DSE: variants seen among roughly 807,000 people sequenced by gnomAD.
DSE encodes the protein dermatan sulfate epimerase, also known as dermatan-sulfate epimerase.
DSE carries 36 observed loss-of-function variants against 84.4 expected under a neutral mutation model. The ratio of observed to expected loss-of-function variants is 0.43; its 90% confidence interval spans 0.33 to 0.56. The LOEUF (loss-of-function observed/expected upper bound fraction) is 0.56. Ranked by LOEUF, DSE falls within the 20% of genes least tolerant of loss-of-function variation. The pLI is 0.06. For synonymous variants in DSE, 410 were observed against 430.1 expected, an observed-to-expected ratio of 0.95 and a Z score of 0.58; for missense variants, 862 against 1,169.6, an observed-to-expected ratio of 0.74 and a Z score of 3.84.
chr6:116,441,050 ATTT>A lies in DSE; in HGVS notation c.*3712_*3714del, dbSNP rs200857040. On this transcript the variant is annotated 3_prime_UTR_variant, in exon 6 of 6. Coordinates refer to ENST00000644252, the MANE Select transcript of DSE (RefSeq NM_013352.4). ...ATTTAATTTACTGGCAAAATGACGTATTTTTTTTTCAGCAATGTTTCAGCTAGA... is the reference window on the plus strand; with the variant it reads ...ATTTAATTTACTGGCAAAATGACGTATTTTTTCAGCAATGTTTCAGCTAGA... 6.6e-6 allele frequency: 1 copy of A among 150,850 alleles called. No individual in the cohort carries two copies. Among genetic ancestry groups the A allele is most frequent in the Non-Finnish European group, 1.5e-5 (1 of 67,682 alleles). 9.3% of individuals were successfully genotyped at this position (150,850 alleles called of 1,614,324 possible).
At chr6:116,269,874 A>C (rs1177333142) in intron 2 of DSE, among the ~76,000 whole-genome samples, 2 of 152,148 alleles carry the variant, frequency 1.3e-5, no homozygotes, top group South Asian at 2.1e-4. Flanking sequence ...CTTTGCTTAT[A>C]ATAGACTAAC....
intron 2 of DSE, among the ~76,000 whole-genome samples, chr6:116,359,021 A>G (rs968004154): frequency 1.3e-5 from 2 of 152,232 alleles, no homozygotes; most frequent in East Asian, 1.9e-4. Context: ...GTTGCAATCT[A>G]TTAGTGGGTC....
chr6:116,433,952 C>T (rs77401271), intron 5 of DSE, among the ~76,000 whole-genome samples: 2,290 of 151,960 alleles, frequency 0.015, 47 homozygotes, highest in African/African-American at 0.051. Flanking sequence ...TTTTTGAAAG[C>T]ATATAAAACA....
At chr6:116,338,171 CTTTCTCTTTCTTTCTT>C (rs930001665) in intron 2 of DSE, among the ~76,000 whole-genome samples, 2 of 44,472 alleles carry the variant, frequency 4.5e-5, no homozygotes, top group Non-Finnish European at 5.4e-5. Context: ...CTTTCTGTCT[CTTTCTCTTTCTTTCTT>C]TCTTTCTTTC....
chr6:116,355,379 G>T (rs565359571), intron 2 of DSE, among the ~76,000 whole-genome samples: 50 of 152,244 alleles, frequency 3.3e-4, no homozygotes, highest in African/African-American at 1.2e-3. Context: ...AGAGCCTCAG[G>T]TTACTGCTTA....
chr6:116,431,316 AT>A (rs34007038), intron 4 of DSE, 123 bp downstream of exon 4: 7 of 1,331,878 alleles, frequency 5.3e-6, no homozygotes, highest in South Asian at 3.2e-5. Flanking sequence ...AATTAAATAG[AT>A]TTTTTTAATC....
At chr6:116,311,504 C>A (rs1252067337) in intron 2 of DSE, among the ~76,000 whole-genome samples, 1 of 152,092 alleles carries the variant, frequency 6.6e-6, no homozygotes, top group African/African-American at 2.4e-5. Context: ...CTTGTAACAA[C>A]AAAAAATTGG....
At chr6:116,329,726 G>A (rs1049944992) in intron 2 of DSE, among the ~76,000 whole-genome samples, 1 of 152,178 alleles carries the variant, frequency 6.6e-6, no homozygotes, top group Non-Finnish European at 1.5e-5. Flanking sequence ...AGATTAATTT[G>A]ACAAAGCATT....
rs770953824 is a variant in DSE, at chr6:116,399,451, T to A, written c.201T>A (p.Ile67=). The A allele has an allele frequency of 1.2e-6, 2 of 1,614,248 alleles. No homozygotes were observed. Among genetic ancestry groups the A allele is most frequent in the Non-Finnish European group, 1.7e-6 (2 of 1,180,040 alleles). ...GGGCTGCCAGCTCGCACGAGCACATTGCAGCCCGCCTCACGGAGGCTGTGC... is the reference window on the plus strand; with the variant it reads ...GGGCTGCCAGCTCGCACGAGCACATAGCAGCCCGCCTCACGGAGGCTGTGC... The part of the protein sequence containing the change: ...QLRAASSHEH[I]AARLTEAVHT... The change falls in exon 2 of 6, where the codon ATT becomes ATA. Residue 67 remains isoleucine, a synonymous_variant. Coordinates refer to ENST00000644252, the MANE Select transcript of DSE (RefSeq NM_013352.4).
chr6:116,370,409 C>G (rs769439780), upstream of DSE: 1 of 947,918 alleles, frequency 1.1e-6, no homozygotes, highest in Non-Finnish European at 1.3e-6. Flanking sequence ...CCACTAACTT[C>G]TCTTTGAGAA....
rs1311721400 is a variant in DSE, at chr6:116,304,417, C to T, written c.-54+45450C>T. Among the ~76,000 whole-genome samples, 5 of 152,038 alleles carry T rather than the reference C, an allele frequency of 3.3e-5. 1 individual carries two copies. The South Asian group carries it at 1.0e-3, about 31-fold the overall frequency. On this transcript the variant is annotated intron_variant, in intron 2 of 3. Coordinates refer to the DSE transcript ENST00000430252. The stretch of plus-strand genomic sequence containing the variant: ...GAGTGCCATCCCAGAATGCATTTAC[C>T]GTGAATAAACTACCATCCCCAGTGG...
At chr6:116,267,561 TA>T (rs1422641609) in intron 2 of DSE, among the ~76,000 whole-genome samples, 1 of 152,154 alleles carries the variant, frequency 6.6e-6, no homozygotes, top group East Asian at 1.9e-4. Context: ...CAAAAAGTTT[TA>T]AAAAGTTAAA....
At chr6:116,410,651 G>C (rs1162404969) in intron 2 of DSE, among the ~76,000 whole-genome samples, 1 of 148,000 alleles carries the variant, frequency 6.8e-6, no homozygotes, top group Non-Finnish European at 1.5e-5. Context: ...GGAGAATGGC[G>C]TGAACCCAGG....
At chr6:116,402,595 T>A (rs1781663199) in intron 2 of DSE, among the ~76,000 whole-genome samples, 1 of 152,164 alleles carries the variant, frequency 6.6e-6, no homozygotes, top group South Asian at 2.1e-4. Context: ...TTTACCTACC[T>A]AGTAATTAGA....
intron 2 of DSE, among the ~76,000 whole-genome samples, chr6:116,364,082 A>T (rs1189066698): frequency 6.6e-6 from 1 of 152,242 alleles, no homozygotes; most frequent in South Asian, 2.1e-4. Context: ...GTAAAACAAA[A>T]TGGTTAGAAT....
intron 2 of DSE, 67 bp from the exon 3 acceptor site, chr6:116,426,507 A>G: frequency 6.4e-7 from 1 of 1,558,586 alleles, no homozygotes; most frequent in Non-Finnish European, 8.7e-7. Context: ...AGAAATAGAC[A>G]CTTTAGAAGT....
intron 2 of DSE, among the ~76,000 whole-genome samples, chr6:116,310,844 C>CA (rs759309980): frequency 6.6e-6 from 1 of 152,170 alleles, no homozygotes; most frequent in Non-Finnish European, 1.5e-5. Flanking sequence ...TTTTCTTTTT[C>CA]AAAGGCCCTT....
intron 2 of DSE, among the ~76,000 whole-genome samples, chr6:116,406,111 T>C (rs1450054349): frequency 6.6e-6 from 1 of 152,210 alleles, no homozygotes; most frequent in African/African-American, 2.4e-5. Flanking sequence ...GACTCTAAGA[T>C]TCAGTATTGG....
At chr6:116,299,446 G>A (rs1774857509) in intron 2 of DSE, among the ~76,000 whole-genome samples, 1 of 147,038 alleles carries the variant, frequency 6.8e-6, no homozygotes, top group South Asian at 2.1e-4. Context: ...TGCCCCAAAG[G>A]TATGGTGAAC....
Sources: gnomAD v4.1 joint callset for allele counts (sites outside exome capture counted in the v4.1 genomes callset) on GRCh38, gnomAD v4.1.1 for gene constraint, MANE v1.5 for transcripts, NCBI Gene and HGNC (gene_info 2026-07-23, HGNC 2026-07-21) for gene names.